The following ANKRD17 variants were observed in gnomAD, a reference collection of about 807,000 sequenced individuals.
ANKRD17 encodes the protein ankyrin repeat domain-containing protein 17.
ANKRD17 carries 19 observed loss-of-function variants against 229.7 expected under a neutral mutation model. That is an observed-to-expected ratio of 0.08 (90% CI 0.06 to 0.12). ANKRD17 has a LOEUF of 0.12. Ranked by LOEUF, ANKRD17 falls within the 10% of genes least tolerant of loss-of-function variation. The probability of loss-of-function intolerance (pLI) is 1.00; values close to 1 mark genes in which losing one functional copy is unlikely to be tolerated. For synonymous variants in ANKRD17, 1,112 were observed against 1,146.1 expected, an observed-to-expected ratio of 0.97 and a Z score of 0.60; for missense variants, 2,176 against 3,176.8, an observed-to-expected ratio of 0.68 and a Z score of 7.57.
At position 73,155,790 on chromosome 4, in the gene ANKRD17, A is replaced by G. The variant is rs768012331; in HGVS notation, c.853-12T>C. On this transcript the variant is annotated splice_polypyrimidine_tract_variant and intron_variant, in intron 4 of 33. Coordinates refer to ENST00000358602, the MANE Select transcript of ANKRD17 (RefSeq NM_032217.5). ...ATTGCCAACAAAACCTTATGAGAGA[A>G]AAATAGTTTAAAAAGATATTAGGAA... 1.2e-5 allele frequency: 20 copies of G among 1,611,874 alleles called. No individual in the cohort carries two copies. In the South Asian group the frequency reaches 1.5e-4, roughly 12 times the overall value.
At chr4:73,179,518 A>ATATATTTTTT (rs1192164276) in intron 1 of ANKRD17, among the ~76,000 whole-genome samples, 14 of 40,782 alleles carry the variant, frequency 3.4e-4, no homozygotes, top group South Asian at 7.3e-4. Flanking sequence ...ATATATATAT[A>ATATATTTTTT]TTTTTTTTTT....
In ANKRD17 at chr4:73,177,378, A is replaced by G; in HGVS notation, c.547+2T>C. 1 of 1,606,680 alleles carries G rather than the reference A, an allele frequency of 6.2e-7. No homozygotes were observed. Among genetic ancestry groups the G allele is most frequent in the Non-Finnish European group, 8.5e-7 (1 of 1,175,226 alleles). On this transcript the variant is annotated splice_donor_variant, in intron 2 of 33. Coordinates refer to ENST00000358602, the MANE Select transcript of ANKRD17 (RefSeq NM_032217.5). LOFTEE classifies it high-confidence loss of function. Reference sequence around the variant, plus strand: ...AGACTTATTACTATGTAGAGTACATACCTGCAGCTTCTAGTAAAGCTTCCA... The same window carrying G: ...AGACTTATTACTATGTAGAGTACATGCCTGCAGCTTCTAGTAAAGCTTCCA...
chr4:73,244,900 A>G (rs1274422568), intron 1 of ANKRD17, among the ~76,000 whole-genome samples: 1 of 152,204 alleles, frequency 6.6e-6, no homozygotes, highest in Non-Finnish European at 1.5e-5. Context: ...ATGCCTACTA[A>G]GTTTGTAGTT....
chr4:73,099,483 G>C (rs375978291), intron 25 of ANKRD17, among the ~76,000 whole-genome samples: 1 of 152,220 alleles, frequency 6.6e-6, no homozygotes, highest in African/African-American at 2.4e-5. Context: ...CTTAGTAGTA[G>C]CAACACTGCT....
At chr4:73,156,945 T>C (rs531893794) in intron 3 of ANKRD17, among the ~76,000 whole-genome samples, 1 of 152,036 alleles carries the variant, frequency 6.6e-6, no homozygotes, top group Non-Finnish European at 1.5e-5. Flanking sequence ...ATTGAATTCA[T>C]TGAGTTTTTT....
intron 1 of ANKRD17, among the ~76,000 whole-genome samples, chr4:73,230,107 G>A (rs1246672700): frequency 1.3e-5 from 2 of 152,024 alleles, no homozygotes; most frequent in Non-Finnish European, 2.9e-5. Flanking sequence ...GAATGATTAA[G>A]CCTTCACCAG....
chr4:73,245,019 A>G (rs144422781), intron 1 of ANKRD17, among the ~76,000 whole-genome samples: 1 of 152,290 alleles, frequency 6.6e-6, no homozygotes, highest in East Asian at 1.9e-4. Context: ...GACAGACATG[A>G]AAACAGTGCT....
At chr4:73,129,878 T>A (rs1047065711) in intron 16 of ANKRD17, among the ~76,000 whole-genome samples, 4 of 150,210 alleles carry the variant, frequency 2.7e-5, no homozygotes, top group Non-Finnish European at 5.9e-5. Flanking sequence ...TTCTCCTGCC[T>A]CAGCCTCCCG....
At chr4:73,184,536 AAAAAAAAAAAAAAAAAAG>A (rs1376096374) in intron 1 of ANKRD17, among the ~76,000 whole-genome samples, 48 of 149,314 alleles carry the variant, frequency 3.2e-4, no homozygotes, top group African/African-American at 1.1e-3. Flanking sequence ...CTCAAAAAAA[AAAAAAAAAAAAAAAAAAG>A]AAAAGAAAAC....
intron 29 of ANKRD17, among the ~76,000 whole-genome samples, chr4:73,086,920 AT>A (rs1218001957): frequency 0.028 from 305 of 10,950 alleles, 12 homozygotes; most frequent in Admixed American, 0.051. Flanking sequence ...AAAAAAAAAA[AT>A]ATATATATAT....
At chr4:73,222,836 G>A in intron 1 of ANKRD17, 1 of 693,474 alleles carries the variant, frequency 1.4e-6, no homozygotes, top group Non-Finnish European at 2.5e-6. Flanking sequence ...ACACGGAATA[G>A]GTCTGACCGT....
chr4:73,118,700 T>C lies in ANKRD17; in HGVS notation c.4176A>G (p.Ala1392=). Residue 1392 remains alanine (A), a synonymous_variant, in exon 22 of 34, where the codon GCA becomes GCG. Transcript: ENST00000358602. ...ADNRKITPLM[A]AFRKGHVKVV... ...GAAAGACTTATACCTTTCTAAATGC[T>C]GCCATAAGAGGAGTTATCTTGCGGT... The C allele has an allele frequency of 6.2e-7, 1 of 1,613,964 alleles. No homozygotes were observed.
rs143074202 is a variant in ANKRD17 at position 73,184,159 on chromosome 4, AAT to A, written c.394-6628_394-6627del. Among the ~76,000 whole-genome samples, 239 of 152,268 alleles carry A rather than the reference AAT, an allele frequency of 1.6e-3. 4 individuals carry two copies. The East Asian group carries it at 0.045, about 29-fold the overall frequency. ...ATTTCAAACTACTCCTCAAGTTAGAAATATTACTGCCATACTAGAGAAGAATG... is the reference window on the plus strand; with the variant it reads ...ATTTCAAACTACTCCTCAAGTTAGAAATTACTGCCATACTAGAGAAGAATG... On this transcript the variant is annotated intron_variant, in intron 1 of 33. Coordinates refer to ENST00000358602, the MANE Select transcript of ANKRD17 (RefSeq NM_032217.5).
intron 16 of ANKRD17, among the ~76,000 whole-genome samples, chr4:73,127,159 G>T (rs1339177473): frequency 6.6e-6 from 1 of 152,042 alleles, no homozygotes; most frequent in Non-Finnish European, 1.5e-5. Context: ...TTTAAGTAGG[G>T]TGACAAATCT....
intron 16 of ANKRD17, among the ~76,000 whole-genome samples, chr4:73,131,803 G>A (rs1728240813): frequency 6.6e-6 from 1 of 152,148 alleles, no homozygotes; most frequent in Non-Finnish European, 1.5e-5. Context: ...CAAAGATTAA[G>A]TTAAAGAAGT....
chr4:73,127,352 TA>T, intron 16 of ANKRD17, among the ~76,000 whole-genome samples: 1 of 152,228 alleles, frequency 6.6e-6, no homozygotes, highest in East Asian at 1.9e-4. Flanking sequence ...CATGACATGT[TA>T]AAACAATATT....
intron 1 of ANKRD17, among the ~76,000 whole-genome samples, chr4:73,226,464 G>A (rs778346522): frequency 1.7e-5 from 2 of 118,776 alleles, no homozygotes; most frequent in African/African-American, 3.2e-5. Flanking sequence ...GTGCAACCCC[G>A]GCTCACTGCA....
chr4:73,094,552 A>C (rs1334633704), intron 27 of ANKRD17, among the ~76,000 whole-genome samples: 2 of 152,002 alleles, frequency 1.3e-5, no homozygotes, highest in Non-Finnish European at 2.9e-5. Flanking sequence ...TAAGACAGAC[A>C]TGGGTTTCTG....
chr4:73,084,042 A>G (rs540536654), intron 30 of ANKRD17, among the ~76,000 whole-genome samples: 2 of 152,190 alleles, frequency 1.3e-5, no homozygotes, highest in African/African-American at 4.8e-5. Context: ...ACCTTACTAC[A>G]GAATTCTCTT....
Sources: allele counts gnomAD v4.1 joint callset (sites outside exome capture counted in the v4.1 genomes callset), GRCh38; gene constraint gnomAD v4.1.1; transcripts MANE v1.5; gene names NCBI Gene and HGNC (gene_info 2026-07-23, HGNC 2026-07-21).